The following RBFOX1 variants were observed in gnomAD, a reference collection of about 807,000 sequenced individuals.
RBFOX1 encodes the protein RNA binding fox-1 homolog 1, also known as RNA binding protein fox-1 homolog 1.
A neutral mutation model predicts 57.7 loss-of-function variants in RBFOX1; 8 were observed. That is an observed-to-expected ratio of 0.14 (90% CI 0.08 to 0.25). The LOEUF (loss-of-function observed/expected upper bound fraction) is 0.25. Among genes scored for constraint, RBFOX1 ranks in the 10% least tolerant of loss-of-function variants. RBFOX1 has a pLI of 1.00. For missense variants in RBFOX1, 611 were observed against 548.5 expected, an observed-to-expected ratio of 1.11 and a Z score of -1.14; for synonymous variants, 326 against 222.4, an observed-to-expected ratio of 1.47 and a Z score of -4.15.
At chr16:6,390,475 G>T (rs2092545078) in intron 2 of RBFOX1, among the ~76,000 whole-genome samples, 1 of 151,614 alleles carries the variant, frequency 6.6e-6, no homozygotes. Flanking sequence ...CACTGTGTTT[G>T]TTTCTGGGAA....
At chr16:5,963,660 G>C (rs1267742705) in intron 4 of RBFOX1, among the ~76,000 whole-genome samples, 2 of 152,198 alleles carry the variant, frequency 1.3e-5, no homozygotes, top group Non-Finnish European at 2.9e-5. Flanking sequence ...AATGGGGAAA[G>C]GATGGTCTCT....
At chr16:6,922,525 T>A (rs1016628427) in intron 3 of RBFOX1, among the ~76,000 whole-genome samples, 5 of 145,988 alleles carry the variant, frequency 3.4e-5, no homozygotes, top group African/African-American at 1.4e-4. Context: ...TTAAAATCTT[T>A]TATTTTCCTG....
chr16:7,706,257 G>C (rs1274964520), intron 14 of RBFOX1, among the ~76,000 whole-genome samples: 2 of 152,202 alleles, frequency 1.3e-5, no homozygotes, highest in Non-Finnish European at 2.9e-5. Context: ...TTCCTCTGGG[G>C]AAATGAAATT....
intron 4 of RBFOX1, among the ~76,000 whole-genome samples, chr16:7,335,914 C>G (rs1292156863): frequency 6.6e-6 from 1 of 152,190 alleles, no homozygotes; most frequent in African/African-American, 2.4e-5. Flanking sequence ...ATGGAGAATT[C>G]AGCTGAACCT....
At chr16:7,436,659 A>T (rs2098723729) in intron 4 of RBFOX1, among the ~76,000 whole-genome samples, 1 of 152,156 alleles carries the variant, frequency 6.6e-6, no homozygotes, top group Non-Finnish European at 1.5e-5. Context: ...TCACTCAGGA[A>T]CCTTTGAGGA....
At chr16:7,699,618 C>A (rs1449844934) in intron 14 of RBFOX1, among the ~76,000 whole-genome samples, 1 of 152,146 alleles carries the variant, frequency 6.6e-6, no homozygotes, top group Non-Finnish European at 1.5e-5. Flanking sequence ...GTAAAAAATG[C>A]ATGCTGGATT....
intron 3 of RBFOX1, among the ~76,000 whole-genome samples, chr16:7,024,286 C>A (rs933272033): frequency 2.0e-5 from 3 of 152,052 alleles, no homozygotes; most frequent in Admixed American, 6.5e-5. Context: ...ACAAAGACTA[C>A]CATGGAGAGC....
At chr16:6,810,645 T>C (rs939966282) in intron 3 of RBFOX1, among the ~76,000 whole-genome samples, 7 of 151,762 alleles carry the variant, frequency 4.6e-5, no homozygotes, top group African/African-American at 1.7e-4. Context: ...AGGAAAGAGG[T>C]TTAATTGACG....
intron 4 of RBFOX1, among the ~76,000 whole-genome samples, chr16:7,243,441 C>T (rs563907420): frequency 6.6e-5 from 10 of 152,252 alleles, no homozygotes; most frequent in African/African-American, 2.4e-4. Flanking sequence ...CTTTGGTTGA[C>T]ATTATCTTTG....
At chr16:5,980,720 C>T (rs2060154741) in intron 4 of RBFOX1, among the ~76,000 whole-genome samples, 1 of 151,948 alleles carries the variant, frequency 6.6e-6, no homozygotes. Context: ...CTTCTGGTGG[C>T]CTGAAAGAGC....
chr16:6,903,306 C>A (rs1031598302), intron 3 of RBFOX1, among the ~76,000 whole-genome samples: 1 of 152,138 alleles, frequency 6.6e-6, no homozygotes, highest in Admixed American at 6.5e-5. Flanking sequence ...CTAGAGAGGT[C>A]AGCAGCCCTT....
intron 4 of RBFOX1, among the ~76,000 whole-genome samples, chr16:7,460,713 T>A (rs1178482874): frequency 6.6e-6 from 1 of 151,648 alleles, no homozygotes; most frequent in African/African-American, 2.4e-5. Flanking sequence ...CCCTTGAACT[T>A]AAAAAATTTT....
intron 4 of RBFOX1, among the ~76,000 whole-genome samples, chr16:7,173,802 T>C (rs1335386541): frequency 6.6e-6 from 1 of 152,244 alleles, no homozygotes; most frequent in Non-Finnish European, 1.5e-5. Context: ...AGTAATATTC[T>C]TTATCCCAAT....
chr16:5,874,150 A>T (rs1485966415), intron 4 of RBFOX1, among the ~76,000 whole-genome samples: 2 of 152,228 alleles, frequency 1.3e-5, no homozygotes. Context: ...TCGTGCCATC[A>T]TTAGTGTCCT....
intron 10 of RBFOX1, among the ~76,000 whole-genome samples, chr16:7,629,151 C>G (rs1056821918): frequency 6.6e-6 from 1 of 152,082 alleles, no homozygotes. Context: ...AACCTCTGGC[C>G]CTGGGCTGCT....
rs572217037 is a variant in RBFOX1, at chr16:5,396,561, G to C, written c.220-70655G>C. 3.3e-5 allele frequency among the ~76,000 whole-genome samples: 5 copies of C among 152,286 alleles called. No homozygotes were observed. The East Asian group carries it at 9.6e-4, about 29-fold the overall frequency. On this transcript the variant is annotated intron_variant, in intron 1 of 2. Transcript: ENST00000585867. ...GGAGGCTGAGGCACAAGAATCACTT[G>C]AACTCAGGCGGCAGAGGTTGCAGTG...
intron 4 of RBFOX1, among the ~76,000 whole-genome samples, chr16:7,449,092 G>C (rs963913845): frequency 6.6e-6 from 1 of 151,984 alleles, no homozygotes. Flanking sequence ...AGCATGCCCG[G>C]CTAACTTTGT....
rs59861275 is a variant in RBFOX1 at position 7,167,515 on chromosome 16, A to G, written c.27+115417A>G. Among the ~76,000 whole-genome samples the G allele has an allele frequency of 6.9e-3, 1,053 of 152,206 alleles. 16 individuals carry two copies. The highest frequency in any genetic ancestry group is 0.024 in the African/African-American group (1,010 of 41,512). On this transcript the variant is annotated intron_variant, in intron 4 of 15. Coordinates refer to ENST00000550418, the MANE Select transcript of RBFOX1 (RefSeq NM_018723.4). ...ACCACCAGAAACTGGAAGGAACAAG[A>G]AAGACCCTCCCATGCAGTCTTTGGA...
intron 12 of RBFOX1, among the ~76,000 whole-genome samples, chr16:7,655,812 G>A (rs1321280338): frequency 6.6e-6 from 1 of 152,208 alleles, no homozygotes; most frequent in Non-Finnish European, 1.5e-5. Flanking sequence ...AAACAATAGA[G>A]GAAAATTATA....
Sources: gnomAD v4.1 joint callset for allele counts (sites outside exome capture counted in the v4.1 genomes callset) on GRCh38, gnomAD v4.1.1 for gene constraint, MANE v1.5 for transcripts, NCBI Gene and HGNC (gene_info 2026-07-23, HGNC 2026-07-21) for gene names.